Variants in ADGRL2 observed in about 807,000 individuals in gnomAD.
ADGRL2 encodes adhesion G protein-coupled receptor L2, also known as calcium-independent alpha-latrotoxin receptor 2.
A neutral mutation model predicts 157.4 loss-of-function variants in ADGRL2; 44 were observed. The observed-to-expected ratio is 0.28, with a 90% CI of 0.22 to 0.36. The LOEUF (loss-of-function observed/expected upper bound fraction) is 0.36, where lower values mean the gene tolerates loss of function less well. ADGRL2 is among the 10% of genes least tolerant of loss of function. The pLI is 1.00. For synonymous variants in ADGRL2, 585 were observed against 624.7 expected (o/e 0.94, Z 0.95); for missense variants, 1,510 against 1,768.9 (o/e 0.85, Z 2.63).
At chr1:81,573,492 C>T (rs2080736340) in intron 2 of ADGRL2, among the ~76,000 whole-genome samples, 1 of 152,106 alleles carries the variant, frequency 6.6e-6, no homozygotes, top group Admixed American at 6.6e-5. Flanking sequence ...TTTAACCCTA[C>T]TAATAGCCAT....
chr1:81,598,048 G>T (rs1393000843), intron 3 of ADGRL2, among the ~76,000 whole-genome samples: 2 of 152,130 alleles, frequency 1.3e-5, no homozygotes, highest in African/African-American at 4.8e-5. Context: ...TGCCTCCAGA[G>T]GTAACAACTG....
chr1:81,403,205 G>A (rs1380124426), intron 1 of ADGRL2, among the ~76,000 whole-genome samples: 1 of 150,296 alleles, frequency 6.7e-6, no homozygotes, highest in East Asian at 2.0e-4. Flanking sequence ...GGAGCTATTG[G>A]AATGTACGTA....
At chr1:81,513,408 A>T (rs927630741) in intron 2 of ADGRL2, among the ~76,000 whole-genome samples, 1 of 152,214 alleles carries the variant, frequency 6.6e-6, no homozygotes, top group Non-Finnish European at 1.5e-5. Flanking sequence ...TGAAATGTAG[A>T]TACTAAGATA....
chr1:81,881,617 G>T (rs1281803528), intron 2 of ADGRL2, among the ~76,000 whole-genome samples: 5 of 152,160 alleles, frequency 3.3e-5, no homozygotes, highest in Non-Finnish European at 7.3e-5. Context: ...TGTTCATCCT[G>T]CCAGGGTAAG....
intron 2 of ADGRL2, among the ~76,000 whole-genome samples, chr1:81,541,258 T>C (rs1225086414): frequency 3.9e-5 from 6 of 152,228 alleles, no homozygotes; most frequent in Non-Finnish European, 7.3e-5. Flanking sequence ...TTATTATATT[T>C]ACAGACTGAT....
chr1:81,493,973 C>G (rs1250790103), intron 2 of ADGRL2, among the ~76,000 whole-genome samples: 1 of 152,088 alleles, frequency 6.6e-6, no homozygotes, highest in African/African-American at 2.4e-5. Flanking sequence ...GTGAGTAGGA[C>G]AAGATAGAGG....
intron 3 of ADGRL2, among the ~76,000 whole-genome samples, chr1:81,920,017 T>G (rs1361041818): frequency 6.6e-6 from 1 of 152,224 alleles, no homozygotes; most frequent in African/African-American, 2.4e-5. Context: ...TGCTTGAGAC[T>G]GACAGAGACT....
chr1:81,602,634 C>T (rs1031630475), intron 3 of ADGRL2, among the ~76,000 whole-genome samples: 2 of 150,986 alleles, frequency 1.3e-5, no homozygotes, highest in African/African-American at 2.4e-5. Flanking sequence ...CATGGTGGCT[C>T]ATGCCTGTAA....
chr1:81,554,430 G>A (rs10518655), intron 2 of ADGRL2, among the ~76,000 whole-genome samples: 3,758 of 151,810 alleles, frequency 0.025, 77 homozygotes, highest in Non-Finnish European at 0.036. Context: ...CTTGGCTTCC[G>A]TAGTTCCTTT....
At chr1:81,984,525 G>T in intron 19 of ADGRL2, 58 bp from the exon 20 acceptor site, 1 of 1,408,218 alleles carries the variant, frequency 7.1e-7, no homozygotes, top group Non-Finnish European at 9.5e-7. Context: ...CATTTAATTA[G>T]AGAGAGAGAA....
chr1:81,762,418 T>C (rs1004674855), intron 2 of ADGRL2, among the ~76,000 whole-genome samples: 1 of 152,228 alleles, frequency 6.6e-6, no homozygotes, highest in Non-Finnish European at 1.5e-5. Flanking sequence ...TATATTTTTA[T>C]GACTTAAACA....
rs936276742 is a variant in ADGRL2 at position 81,887,635 on chromosome 1, C to T, written c.74-19382C>T. ...AAATCTCTCCCAGTTCCAACATTCC[C>T]GAGTGAAATTTTAAACATGTAGCTC... On this transcript the variant is annotated intron_variant, in intron 2 of 23. Coordinates refer to ENST00000686636, the MANE Select transcript of ADGRL2 (RefSeq NM_001366006.2). Among the ~76,000 whole-genome samples, 10 of 152,080 alleles carry T rather than the reference C, an allele frequency of 6.6e-5. 1 individual carries two copies. The highest frequency in any genetic ancestry group is 4.6e-4 in the Admixed American group (7 of 15,276).
chr1:81,526,815 A>T, intron 2 of ADGRL2, among the ~76,000 whole-genome samples: 1 of 152,244 alleles, frequency 6.6e-6, no homozygotes, highest in African/African-American at 2.4e-5. Flanking sequence ...AAATTAAATC[A>T]GATATTTTTG....
chr1:81,556,556 A>G (rs1474904344), intron 2 of ADGRL2, among the ~76,000 whole-genome samples: 1 of 152,094 alleles, frequency 6.6e-6, no homozygotes, highest in Non-Finnish European at 1.5e-5. Flanking sequence ...AAAAACAAGC[A>G]AAACCACCAT....
At chr1:81,397,201 G>A (rs941166101) in intron 1 of ADGRL2, among the ~76,000 whole-genome samples, 5 of 151,600 alleles carry the variant, frequency 3.3e-5, no homozygotes, top group African/African-American at 9.7e-5. Context: ...TAGGTTGTAT[G>A]TGTCCGGGAA....
chr1:81,416,384 C>T (rs1205650211), intron 1 of ADGRL2, among the ~76,000 whole-genome samples: 1 of 151,700 alleles, frequency 6.6e-6, no homozygotes, highest in Non-Finnish European at 1.5e-5. Flanking sequence ...TCATCTCTAC[C>T]TCTTACATTA....
chr1:81,435,663 T>C (rs1013842138), intron 1 of ADGRL2, among the ~76,000 whole-genome samples: 2 of 152,254 alleles, frequency 1.3e-5, no homozygotes, highest in Non-Finnish European at 2.9e-5. Context: ...TTTATATAAA[T>C]TCATAGTGGA....
intron 1 of ADGRL2, among the ~76,000 whole-genome samples, chr1:81,316,466 T>G (rs2100586388): frequency 6.6e-6 from 1 of 152,262 alleles, no homozygotes; most frequent in Non-Finnish European, 1.5e-5. Flanking sequence ...ATTTAGAAAA[T>G]GATTAAAGTT....
upstream of ADGRL2, among the ~76,000 whole-genome samples, chr1:81,697,853 C>G (rs1285425478): frequency 1.3e-5 from 2 of 152,180 alleles, no homozygotes; most frequent in African/African-American, 4.8e-5. Context: ...GAGTGCATTT[C>G]CTGCCTCCAC....
Sources: allele counts gnomAD v4.1 joint callset (sites outside exome capture counted in the v4.1 genomes callset), GRCh38; gene constraint gnomAD v4.1.1; transcripts MANE v1.5; gene names NCBI Gene and HGNC (gene_info 2026-07-23, HGNC 2026-07-21).